The following SEMA5B variants were observed in gnomAD, a reference collection of about 807,000 sequenced individuals.
SEMA5B encodes the protein semaphorin 5B.
SEMA5B carries 66 observed loss-of-function variants against 135.0 expected under a neutral mutation model. The ratio of observed to expected loss-of-function variants is 0.49; its 90% CI spans 0.40 to 0.60. SEMA5B has a LOEUF of 0.60. Ranked by LOEUF, SEMA5B falls within the 20% of genes least tolerant of loss-of-function variation. The pLI, the probability that SEMA5B is intolerant of heterozygous loss-of-function variation, is 0.00. For synonymous variants in SEMA5B, 690 were observed against 639.5 expected (o/e 1.08, Z -1.19); for missense variants, 1,501 against 1,566.3 (o/e 0.96, Z 0.70).
At chr3:122,989,802 G>A (rs888960908) in intron 1 of SEMA5B, among the ~76,000 whole-genome samples, 2 of 152,174 alleles carry the variant, frequency 1.3e-5, no homozygotes, top group African/African-American at 4.8e-5. Flanking sequence ...AGAGAAAATT[G>A]GTTCCCTGGG....
chr3:122,925,297 T>C (rs1191606609), intron 9 of SEMA5B, among the ~76,000 whole-genome samples: 1 of 152,032 alleles, frequency 6.6e-6, no homozygotes, highest in East Asian at 1.9e-4. Context: ...TTGGCTTCCC[T>C]GGACCACATT....
At chr3:123,007,541 G>A (rs1185743151) in intron 1 of SEMA5B, among the ~76,000 whole-genome samples, 2 of 152,178 alleles carry the variant, frequency 1.3e-5, no homozygotes, top group South Asian at 2.1e-4. Flanking sequence ...ATTGGATCAT[G>A]AGAGCTCTGT....
At chr3:122,914,989 C>A (rs769948966) in intron 14 of SEMA5B, among the ~76,000 whole-genome samples, 3 of 152,182 alleles carry the variant, frequency 2.0e-5, no homozygotes, top group Non-Finnish European at 2.9e-5. Context: ...TCTCATTTAA[C>A]CCTCCCAACA....
chr3:123,002,839 C>T (rs1942214212), intron 1 of SEMA5B, among the ~76,000 whole-genome samples: 1 of 152,154 alleles, frequency 6.6e-6, no homozygotes, highest in Admixed American at 6.5e-5. Context: ...GAAAATTAAA[C>T]TTCAAGTAAA....
At chr3:122,921,355 G>C (rs557087416) in intron 12 of SEMA5B, among the ~76,000 whole-genome samples, 1 of 152,132 alleles carries the variant, frequency 6.6e-6, no homozygotes, top group Non-Finnish European at 1.5e-5. Context: ...TTGAAGCTAC[G>C]GCATGAAGAA....
intron 1 of SEMA5B, among the ~76,000 whole-genome samples, chr3:122,979,405 G>T (rs551813531): frequency 6.6e-6 from 1 of 152,176 alleles, no homozygotes; most frequent in Non-Finnish European, 1.5e-5. Context: ...CTCTCTTCCC[G>T]GATTTAGCTT....
At chr3:122,975,935 C>G (rs1941303066) in intron 1 of SEMA5B, 3 of 1,524,576 alleles carry the variant, frequency 2.0e-6, no homozygotes, top group African/African-American at 2.8e-5. Context: ...TGGCCATTCC[C>G]CCTCCATCCA....
At chr3:122,918,345 T>C (rs1938179803) in intron 12 of SEMA5B, among the ~76,000 whole-genome samples, 1 of 152,224 alleles carries the variant, frequency 6.6e-6, no homozygotes, top group Non-Finnish European at 1.5e-5. Flanking sequence ...TAGGATCTCC[T>C]GGGCATCCTT....
chr3:122,929,950 G>A (rs145225543), intron 5 of SEMA5B, among the ~76,000 whole-genome samples: 4,540 of 152,242 alleles, frequency 0.03, 102 homozygotes, highest in Middle Eastern at 0.061. Context: ...TGCCCTCCAC[G>A]TCCAGGCAAT....
At chr3:122,912,139 C>T (rs749783379) in intron 19 of SEMA5B, 33 bp downstream of exon 19, 3 of 1,580,920 alleles carry the variant, frequency 1.9e-6, no homozygotes, top group African/African-American at 1.3e-5. Context: ...GGCTCCATGT[C>T]GCTTCCCAGC....
At chr3:122,929,153 G>T in intron 5 of SEMA5B, 95 bp from the exon 6 acceptor site, 1 of 1,233,294 alleles carries the variant, frequency 8.1e-7, no homozygotes, top group Non-Finnish European at 1.2e-6. Context: ...GTCGGGAGTG[G>T]ACATGAAGCT....
At chr3:122,926,752 C>A (rs1315377059) in intron 8 of SEMA5B, 75 bp from the exon 9 acceptor site, 1 of 1,540,856 alleles carries the variant, frequency 6.5e-7, no homozygotes, top group African/African-American at 1.4e-5. Context: ...GAGGACTCAA[C>A]TACTTCGGTT....
chr3:122,974,622 G>A (rs1372414777), intron 1 of SEMA5B, among the ~76,000 whole-genome samples: 2 of 152,148 alleles, frequency 1.3e-5, no homozygotes, highest in African/African-American at 2.4e-5. Flanking sequence ...TTGGTTGTGG[G>A]CAGAATAGAG....
chr3:122,911,480 G>T lies in SEMA5B; in HGVS notation c.3091+11C>A. 2 of 1,604,938 alleles carry T rather than the reference G, an allele frequency of 1.2e-6. No individual in the cohort carries two copies. The highest frequency in any genetic ancestry group is 1.7e-6 in the Non-Finnish European group (2 of 1,176,574). On this transcript the variant is annotated intron_variant, in intron 21 of 22. Transcript: ENST00000357599. ...AGGACCGCAGCATGAGGTAGGTCCGGTTTCTTTTACCTGCACAGTCGGTGG... is the reference window on the plus strand; with the variant it reads ...AGGACCGCAGCATGAGGTAGGTCCGTTTTCTTTTACCTGCACAGTCGGTGG...
At chr3:122,965,349 A>C (rs1161541582) in intron 1 of SEMA5B, among the ~76,000 whole-genome samples, 1 of 152,216 alleles carries the variant, frequency 6.6e-6, no homozygotes, top group Non-Finnish European at 1.5e-5. Flanking sequence ...CCTCTTTTGA[A>C]GTTACAGGTG....
chr3:122,947,914 A>G (rs1374573985), intron 3 of SEMA5B, among the ~76,000 whole-genome samples: 1 of 151,922 alleles, frequency 6.6e-6, no homozygotes, highest in Admixed American at 6.5e-5. Flanking sequence ...TTTTTTTAGC[A>G]AGTATTAGAA....
chr3:123,001,158 A>G (rs1942165369), intron 1 of SEMA5B, among the ~76,000 whole-genome samples: 1 of 152,154 alleles, frequency 6.6e-6, no homozygotes, highest in Non-Finnish European at 1.5e-5. Flanking sequence ...AAGAGACCAT[A>G]AACTCAGACA....
chr3:122,928,082 C>T (rs79679922), intron 7 of SEMA5B, 79 bp from the exon 8 acceptor site: 71,958 of 1,046,760 alleles, frequency 0.069, 2,712 homozygotes, highest in Middle Eastern at 0.11. Flanking sequence ...GTTTTGTTTC[C>T]TCCTGTGCCC....
At chr3:122,975,809 A>G (rs983714140) in intron 1 of SEMA5B, among the ~76,000 whole-genome samples, 1 of 151,928 alleles carries the variant, frequency 6.6e-6, no homozygotes, top group African/African-American at 2.4e-5. Flanking sequence ...ATTTGGTCAC[A>G]TTACTCTGCT....
Sources: allele counts gnomAD v4.1 joint callset (sites outside exome capture counted in the v4.1 genomes callset), GRCh38; gene constraint gnomAD v4.1.1; transcripts MANE v1.5; gene names NCBI Gene and HGNC (gene_info 2026-07-23, HGNC 2026-07-21).